FANCM: variants seen among roughly 807,000 people sequenced by gnomAD.
The protein encoded by FANCM is Fanconi anemia group M protein.
FANCM carries 140 observed loss-of-function variants against 199.5 expected under a neutral mutation model. The observed-to-expected ratio is 0.70, with a 90% CI of 0.61 to 0.81. FANCM has a LOEUF of 0.81. FANCM is among the 30% of genes least tolerant of loss of function. FANCM has a pLI of 0.00. For missense variants in FANCM, 2,410 were observed against 2,421.4 expected (o/e 1.00, Z 0.10); for synonymous variants, 840 against 836.8 (o/e 1.00, Z -0.07).
intron 10 of FANCM, among the ~76,000 whole-genome samples, chr14:45,166,288 T>G (rs1028865863): frequency 2.6e-5 from 4 of 151,614 alleles, no homozygotes; most frequent in African/African-American, 9.7e-5. Context: ...CATGCCACCA[T>G]GCCCGGCTAA....
At chr14:45,188,063 G>T (rs2139292718) in intron 19 of FANCM, among the ~76,000 whole-genome samples, 176 bp downstream of exon 19, 1 of 152,324 alleles carries the variant, frequency 6.6e-6, no homozygotes, top group Admixed American at 6.5e-5. Flanking sequence ...TTTTGGCCAT[G>T]TGCGGTGGCT....
intron 11 of FANCM, among the ~76,000 whole-genome samples, chr14:45,169,492 C>T (rs1252346223): frequency 2.0e-5 from 3 of 151,466 alleles, no homozygotes; most frequent in Admixed American, 2.0e-4. Context: ...AGCCTCAACT[C>T]CTGGGCTTAA....
chr14:45,166,123 T>G (rs1364507733), intron 10 of FANCM, among the ~76,000 whole-genome samples: 1 of 151,612 alleles, frequency 6.6e-6, no homozygotes, highest in Non-Finnish European at 1.5e-5. Context: ...TTGAAATGAT[T>G]TTCTTTTTAA....
chr14:45,142,849 G>A (rs995499770), intron 3 of FANCM, among the ~76,000 whole-genome samples: 3 of 152,008 alleles, frequency 2.0e-5, no homozygotes, highest in Non-Finnish European at 4.4e-5. Flanking sequence ...TTAAGATGAT[G>A]TCTTCTTGGT....
intron 20 of FANCM, among the ~76,000 whole-genome samples, chr14:45,191,854 G>A (rs985021231): frequency 6.6e-6 from 1 of 151,830 alleles, no homozygotes; most frequent in Non-Finnish European, 1.5e-5. Flanking sequence ...TTGCTTTTTT[G>A]TTTTGTGTTT....
intron 13 of FANCM, among the ~76,000 whole-genome samples, chr14:45,173,438 A>G (rs924818950): frequency 1.3e-5 from 2 of 152,214 alleles, no homozygotes; most frequent in Admixed American, 1.3e-4. Flanking sequence ...ATTTTAATAT[A>G]CTTAAATGAT....
In FANCM at chr14:45,175,578, T is replaced by G. The variant is rs779377623; in HGVS notation, c.2824T>G (p.Leu942Val). ...CACTAGTTCACTTGCTGGAAATGTT[T>G]TAGATTCTGGTTATAACAGTTTCAA... ...KSTSSLAGNV[L>V]DSGYNSFNDE... Residue 942 changes from leucine (L) to valine (V), a missense_variant, in exon 14 of 23, where the codon TTA becomes GTA. Transcript: ENST00000267430. The G allele has an allele frequency of 6.2e-7, 1 of 1,613,686 alleles. No individual in the cohort carries two copies. Among genetic ancestry groups the G allele is most frequent in the Non-Finnish European group, 8.5e-7 (1 of 1,179,760 alleles).
At chr14:45,164,669 A>T (rs1042103524) in intron 10 of FANCM, 104 bp downstream of exon 10, 51 of 920,950 alleles carry the variant, frequency 5.5e-5, no homozygotes, top group Non-Finnish European at 7.2e-5. Context: ...CACTCTGTAG[A>T]TAGTTTTGGT....
At chr14:45,181,895 C>T (rs1463281251) in intron 16 of FANCM, among the ~76,000 whole-genome samples, 190 bp downstream of exon 16, 1 of 152,144 alleles carries the variant, frequency 6.6e-6, no homozygotes, top group Non-Finnish European at 1.5e-5. Flanking sequence ...CTTTCCTAAG[C>T]ACAATAAATA....
At chr14:45,196,592 T>C in intron 21 of FANCM, 45 bp downstream of exon 21, 1 of 1,576,340 alleles carries the variant, frequency 6.3e-7, no homozygotes, top group Non-Finnish European at 8.7e-7. Context: ...GTAAAGGAAC[T>C]TTACGGTTAA....
chr14:45,143,244 T>C lies in FANCM; in HGVS notation c.759+2535T>C, dbSNP rs562366023. 7.9e-5 allele frequency among the ~76,000 whole-genome samples: 12 copies of C among 151,552 alleles called. No individual in the cohort carries two copies. The South Asian group carries it at 2.1e-3, about 26-fold the overall frequency. On this transcript the variant is annotated intron_variant, in intron 3 of 22. Coordinates refer to ENST00000267430, the MANE Select transcript of FANCM (RefSeq NM_020937.4). ...GAGGGCAGTGCACAATAATACTCAC[T>C]GCAGCTAAATTTCCCAGGCTCAGGT...
chr14:45,169,410 T>A lies in FANCM; in HGVS notation c.2003-1179T>A, dbSNP rs149063750. On this transcript the variant is annotated intron_variant, in intron 11 of 22. Transcript: ENST00000267430. Reference sequence around the variant, plus strand: ...TTTTTTTTTTTCATTTTTAATTTTTTATTTTTTACATTTTTAAAAAGCTTC... The same window carrying A: ...TTTTTTTTTTTCATTTTTAATTTTTAATTTTTTACATTTTTAAAAAGCTTC... Among the ~76,000 whole-genome samples, 564 of 151,734 alleles carry A rather than the reference T, an allele frequency of 3.7e-3. 3 individuals carry two copies. The highest frequency in any genetic ancestry group is 0.029 in the East Asian group (148 of 5,172).
At chr14:45,161,330 A>C (rs1486358535) in intron 9 of FANCM, among the ~76,000 whole-genome samples, 1 of 152,232 alleles carries the variant, frequency 6.6e-6, no homozygotes, top group African/African-American at 2.4e-5. Context: ...CCATTTATTT[A>C]GAAACACGAT....
intron 12 of FANCM, among the ~76,000 whole-genome samples, chr14:45,171,326 T>A (rs1888326159): frequency 6.7e-6 from 1 of 148,828 alleles, no homozygotes; most frequent in African/African-American, 2.5e-5. Flanking sequence ...TTGTAAACCA[T>A]TTTTTTTTTA....
At chr14:45,188,687 T>A (rs1016417479) in intron 19 of FANCM, 115 bp from the exon 20 acceptor site, 1 of 784,916 alleles carries the variant, frequency 1.3e-6, no homozygotes, top group Non-Finnish European at 2.1e-6. Flanking sequence ...AGTGGCTGAA[T>A]TAATAAAGTA....
Position 45,196,240 on chromosome 14 carries a change from T to C in FANCM, c.5409T>C (p.Ala1803=), listed in dbSNP as rs141214060. 4 of 1,613,924 alleles carry C rather than the reference T, an allele frequency of 2.5e-6. No homozygotes were observed. In the African/African-American group the frequency reaches 5.3e-5, roughly 22 times the overall value. ...ASCSKSRPHL[A]GTHTSLRLPQ... ...GTTCCAAGTCAAGACCACATTTAGC[T>C]GGGACACATACTTCTCTTAGACTTC... Residue 1803 remains alanine (A), a synonymous_variant, in exon 21 of 23, where the codon GCT becomes GCC. Coordinates refer to ENST00000267430, the MANE Select transcript of FANCM (RefSeq NM_020937.4).
chr14:45,152,612 A>G (rs1391176027), intron 5 of FANCM, among the ~76,000 whole-genome samples: 1 of 152,232 alleles, frequency 6.6e-6, no homozygotes, highest in Non-Finnish European at 1.5e-5. Flanking sequence ...CTTTGAACTG[A>G]TAGGGAATGC....
At chr14:45,139,218 T>C (rs1221097422) in intron 2 of FANCM, among the ~76,000 whole-genome samples, 13 of 152,236 alleles carry the variant, frequency 8.5e-5, no homozygotes, top group Admixed American at 6.5e-4. Context: ...TTTTTAATTA[T>C]AATTTTACTT....
At chr14:45,138,518 C>G (rs1885685693) in intron 2 of FANCM, among the ~76,000 whole-genome samples, 1 of 151,938 alleles carries the variant, frequency 6.6e-6, no homozygotes, top group African/African-American at 2.4e-5. Flanking sequence ...TTAAAAATTT[C>G]CATCTGAGAG....
Sources: gnomAD v4.1 joint callset for allele counts (sites outside exome capture counted in the v4.1 genomes callset) on GRCh38, gnomAD v4.1.1 for gene constraint, MANE v1.5 for transcripts, NCBI Gene and HGNC (gene_info 2026-07-23, HGNC 2026-07-21) for gene names.